Variants in LDB2 observed in about 807,000 individuals in gnomAD.
LDB2 encodes LIM domain-binding protein 2.
A neutral mutation model predicts 44.3 loss-of-function variants in LDB2; 12 were observed. The ratio of observed to expected loss-of-function variants is 0.27; its 90% CI spans 0.17 to 0.44. The LOEUF (loss-of-function observed/expected upper bound fraction) is 0.44. Among genes scored for constraint, LDB2 ranks in the 20% least tolerant of loss-of-function variants. The pLI is 1.00. For missense variants in LDB2, 344 were observed against 473.5 expected (o/e 0.73, Z 2.54); for synonymous variants, 164 against 174.8 (o/e 0.94, Z 0.49).
intron 5 of LDB2, among the ~76,000 whole-genome samples, chr4:16,543,579 A>T (rs961485302): frequency 1.3e-5 from 2 of 152,184 alleles, no homozygotes; most frequent in Non-Finnish European, 2.9e-5. Flanking sequence ...TTCTTTTGAG[A>T]AGTGTCTGTT....
Position 16,880,762 on chromosome 4 carries a change from A to G in LDB2, c.132+17592T>C, listed in dbSNP as rs1051946756. On this transcript the variant is annotated intron_variant, in intron 1 of 7. Transcript: ENST00000304523. ...TACTAAAAATACAAAAAATTAGCCG[A>G]GTGTGGTGGCGGGTGCCTGTAGTCC... Among the ~76,000 whole-genome samples, 16 of 151,908 alleles carry G rather than the reference A, an allele frequency of 1.1e-4. No homozygotes were observed. The Middle Eastern group carries it at 0.01, about 97-fold the overall frequency.
At chr4:16,598,837 G>T (rs1721767546) in intron 2 of LDB2, among the ~76,000 whole-genome samples, 5 of 150,744 alleles carry the variant, frequency 3.3e-5, no homozygotes, top group Non-Finnish European at 7.4e-5. Context: ...TCAGAGGTCA[G>T]TCTCACTTAT....
chr4:16,775,710 G>T lies in LDB2; in HGVS notation c.133-16450C>A, dbSNP rs528276474. ...GTGCCTCTTTGTTGGATTAAAAACA[G>T]CATGCCCTCCACTGTCTGTCTCCCT... On this transcript the variant is annotated intron_variant, in intron 1 of 7. Transcript: ENST00000304523. Among the ~76,000 whole-genome samples, 10 of 152,272 alleles carry T rather than the reference G, an allele frequency of 6.6e-5. No individual in the cohort carries two copies. In the East Asian group the frequency reaches 1.4e-3, roughly 21 times the overall value.
Sources: allele counts gnomAD v4.1 joint callset (sites outside exome capture counted in the v4.1 genomes callset), GRCh38; gene constraint gnomAD v4.1.1; transcripts MANE v1.5; gene names NCBI Gene and HGNC (gene_info 2026-07-23, HGNC 2026-07-21).